The following MUC15 variants were observed in gnomAD, a reference collection of about 807,000 sequenced individuals.
The protein encoded by MUC15 is mucin 15, cell surface associated, also known as mucin-15.
A neutral mutation model predicts 24.0 loss-of-function variants in MUC15; 23 were observed. The ratio of observed to expected loss-of-function variants is 0.96; its 90% CI spans 0.69 to 1.36. The LOEUF is 1.36. Among genes scored for constraint, MUC15 ranks in the 40% most tolerant of loss-of-function variants. The pLI is 0.00. For missense variants in MUC15, 442 were observed against 428.2 expected (o/e 1.03, Z -0.29); for synonymous variants, 151 against 156.3 (o/e 0.97, Z 0.25).
rs777133919 is a variant in MUC15 at position 26,561,156 on chromosome 11, G to A, written c.995C>T (p.Thr332Ile). 19 of 1,612,682 alleles carry A rather than the reference G, an allele frequency of 1.2e-5. No homozygotes were observed. The highest frequency in any genetic ancestry group is 1.5e-5 in the Non-Finnish European group (18 of 1,179,230). ...TTCTGGCATGGCTGAATCATTCAAA[G>A]TTGGATTGTAGTAGCTAGAATTCCC... Reference protein sequence around the residue: ...SFGNSSYYNPTLNDSAMPESE... With the variant: ...SFGNSSYYNPILNDSAMPESE... Residue 332 changes from threonine to isoleucine, a missense_variant, in exon 5 of 5, where the codon ACT (threonine) becomes ATT (isoleucine). Thr to Ile is a moderately conservative substitution (Grantham distance 89). Transcript: ENST00000529533.
chr11:26,569,535 G>C (rs1017994944), intron 1 of MUC15, among the ~76,000 whole-genome samples: 6 of 151,966 alleles, frequency 3.9e-5, no homozygotes, highest in East Asian at 1.9e-4. Context: ...CCGTTATTCA[G>C]AACCCCACCA....
intron 3 of MUC15, among the ~76,000 whole-genome samples, chr11:26,564,732 C>CACACATAT (rs1565108986): frequency 7.9e-5 from 2 of 25,412 alleles, no homozygotes; most frequent in African/African-American, 1.4e-4. Context: ...CACACACACA[C>CACACATAT]ATATATATAT....
Position 26,565,461 on chromosome 11 carries a change from G to T in MUC15, c.479C>A (p.Pro160His), listed in dbSNP as rs1850532540. 6.2e-7 allele frequency: 1 copy of T among 1,613,202 alleles called. No homozygotes were observed. Among genetic ancestry groups the T allele is most frequent in the African/African-American group, 1.3e-5 (1 of 74,804 alleles). Reference protein sequence around the residue: ...NAPIADEDLLPISAHPNATPA... With the variant: ...NAPIADEDLLHISAHPNATPA... Reference sequence around the variant, plus strand: ...TGTAGCATTGGGATGTGCTGAGATGGGCAAAAGATCTTCATCTGCTATAGG... The same window carrying T: ...TGTAGCATTGGGATGTGCTGAGATGTGCAAAAGATCTTCATCTGCTATAGG... The change falls in exon 3 of 5, where the codon CCC (proline) becomes CAC (histidine). Residue 160 changes from proline (P) to histidine (H), a missense_variant. By Grantham distance (77) the Pro-to-His change is moderately conservative (BLOSUM62 -2). Transcript: ENST00000529533.
chr11:26,561,557 C>G (rs559861261), intron 4 of MUC15, among the ~76,000 whole-genome samples: 1 of 151,484 alleles, frequency 6.6e-6, no homozygotes, highest in African/African-American at 2.4e-5. Flanking sequence ...GATTTCAAAG[C>G]CTTGTCAACA....
Position 26,565,274 on chromosome 11 carries a change from A to G in MUC15, c.666T>C (p.Ser222=), listed in dbSNP as rs1396766064. ...AAGGGGTAAACCCAGTGAAGCTATC[A>G]CTGTTTGTGGTAAGCCATCCACTTG... ...VEPSGWLTTN[S]DSFTGFTPYQ... is the part of the protein sequence containing the mutation. The change falls in exon 3 of 5, where the codon AGT becomes AGC. Residue 222 remains serine, a synonymous_variant. Transcript: ENST00000529533. The G allele has an allele frequency of 6.2e-7, 1 of 1,602,714 alleles. No individual in the cohort carries two copies. The highest frequency in any genetic ancestry group is 2.2e-5 in the East Asian group (1 of 44,688).
Position 26,559,936 on chromosome 11 carries a change from A to G in MUC15, c.*1129T>C, listed in dbSNP as rs1850220740. On this transcript the variant is annotated 3_prime_UTR_variant, in exon 5 of 5. Transcript: ENST00000529533. ...TACTTGATTTGTTTGCTCTCTTCAT[A>G]TATTCAGTGCTTCTTTAGGAATTTA... 1 of 553,238 alleles carries G rather than the reference A, an allele frequency of 1.8e-6. No homozygotes were observed. The highest frequency in any genetic ancestry group is 3.1e-5 in the South Asian group (1 of 32,286). 34.3% of individuals were successfully genotyped at this position (553,238 alleles called of 1,614,324 possible).
intron 1 of MUC15, among the ~76,000 whole-genome samples, chr11:26,571,498 T>C (rs1194684220): frequency 6.6e-6 from 1 of 152,076 alleles, no homozygotes; most frequent in Non-Finnish European, 1.5e-5. Flanking sequence ...TGTACAACAG[T>C]TTCCCAACTT....
chr11:26,562,489 A>G (rs1850333059), intron 4 of MUC15, among the ~76,000 whole-genome samples: 1 of 151,960 alleles, frequency 6.6e-6, no homozygotes, highest in South Asian at 2.1e-4. Context: ...TCAAATTGAT[A>G]TTATATTATT....
In MUC15 at chr11:26,567,142, G is replaced by A; in HGVS notation, c.-45-3C>T. 2 of 1,399,182 alleles carry A rather than the reference G, an allele frequency of 1.4e-6. No homozygotes were observed. The highest frequency in any genetic ancestry group is 1.5e-5 in the African/African-American group (1 of 68,430). 86.7% of individuals were successfully genotyped at this position (1,399,182 alleles called of 1,614,324 possible). A position where few individuals can be genotyped will look rare whatever the true frequency, so the allele number is the denominator to read the frequency against. On this transcript the variant is annotated splice_region_variant and splice_polypyrimidine_tract_variant and intron_variant, in intron 1 of 4. Transcript: ENST00000529533. ...CTCACAATGGCTAGTAACAGAAGCT[G>A]GAAAATGGAAGAGGCAATATTTAAA...
Position 26,559,208 on chromosome 11 carries a change from T to C in MUC15, c.*1857A>G, listed in dbSNP as rs935150819. 1 of 152,460 alleles carries C rather than the reference T, an allele frequency of 6.6e-6. No individual in the cohort carries two copies. The highest frequency in any genetic ancestry group is 1.9e-4 in the East Asian group (1 of 5,198). The allele number at this position is 152,460 out of a possible 1,614,324, so 9.4% of individuals were successfully genotyped here. On this transcript the variant is annotated 3_prime_UTR_variant, in exon 5 of 5. Coordinates refer to ENST00000529533, the MANE Select transcript of MUC15 (RefSeq NM_001135091.2). Reference sequence around the variant, plus strand: ...TTTTAAAACAAATTAAGATGGGATTTATTACATCTTATAGCCATTATTGGA... The same window carrying C: ...TTTTAAAACAAATTAAGATGGGATTCATTACATCTTATAGCCATTATTGGA...
chr11:26,564,742 T>C (rs1413318459), intron 3 of MUC15, among the ~76,000 whole-genome samples: 105 of 35,020 alleles, frequency 3.0e-3, no homozygotes, highest in African/African-American at 4.1e-3. Flanking sequence ...CATATATATA[T>C]ATATATATAT....
At chr11:26,569,526 C>T (rs973764794) in intron 1 of MUC15, among the ~76,000 whole-genome samples, 1 of 151,932 alleles carries the variant, frequency 6.6e-6, no homozygotes, top group Non-Finnish European at 1.5e-5. Flanking sequence ...TGAAGTCATC[C>T]GTTATTCAGA....
In MUC15 at chr11:26,560,609, C is replaced by T. The variant is rs1455047211; in HGVS notation, c.*456G>A. 6.5e-6 allele frequency: 1 copy of T among 153,436 alleles called. No individual in the cohort carries two copies. The highest frequency in any genetic ancestry group is 2.4e-5 in the African/African-American group (1 of 41,394). 9.5% of individuals were successfully genotyped at this position (153,436 alleles called of 1,614,324 possible). On this transcript the variant is annotated 3_prime_UTR_variant, in exon 5 of 5. Transcript: ENST00000529533. Reference sequence around the variant, plus strand: ...CTATGTCCTCTTTTTAGCTTTAAGTCAAATTTTCTTTAAAAAGCACCCTTT... The same window carrying T: ...CTATGTCCTCTTTTTAGCTTTAAGTTAAATTTTCTTTAAAAAGCACCCTTT...
chr11:26,564,736 T>TAC lies in MUC15; in HGVS notation c.775+428_775+429insGT, dbSNP rs1565109044. Among the ~76,000 whole-genome samples the TAC allele has an allele frequency of 5.3e-3, 99 of 18,766 alleles. 2 individuals are homozygous for TAC. The highest frequency in any genetic ancestry group is 0.018 in the African/African-American group (98 of 5,532). The allele number at this position is 18,766 out of a possible 152,430, so 12.3% of individuals were successfully genotyped here. On this transcript the variant is annotated intron_variant, in intron 3 of 4. Coordinates refer to ENST00000529533, the MANE Select transcript of MUC15 (RefSeq NM_001135091.2). ...ACACACACACACACACACACACATATATATATATATATATATATATATATA... is the reference window on the plus strand; with the variant it reads ...ACACACACACACACACACACACATATACATATATATATATATATATATATATA...
At chr11:26,561,783 T>A (rs1220605817) in intron 4 of MUC15, among the ~76,000 whole-genome samples, 1 of 152,018 alleles carries the variant, frequency 6.6e-6, no homozygotes, top group African/African-American at 2.4e-5. Flanking sequence ...TGTGGAAATT[T>A]AGTTTTCTTT....
At chr11:26,563,892 G>A (rs939695335) in intron 3 of MUC15, among the ~76,000 whole-genome samples, 2 of 151,554 alleles carry the variant, frequency 1.3e-5, no homozygotes, top group East Asian at 1.9e-4. Context: ...CTTTTCACTC[G>A]GTATCTTATT....
intron 4 of MUC15, among the ~76,000 whole-genome samples, chr11:26,561,782 T>G (rs1056563191): frequency 6.6e-6 from 1 of 152,004 alleles, no homozygotes; most frequent in African/African-American, 2.4e-5. Flanking sequence ...ATGTGGAAAT[T>G]TAGTTTTCTT....
intron 3 of MUC15, among the ~76,000 whole-genome samples, chr11:26,564,186 G>C (rs984599649): frequency 2.6e-5 from 4 of 151,618 alleles, no homozygotes; most frequent in African/African-American, 9.7e-5. Context: ...ATTAGGTTTA[G>C]ATAGACAAAA....
chr11:26,559,861 C>G lies in MUC15; in HGVS notation c.*1204G>C. On this transcript the variant is annotated 3_prime_UTR_variant, in exon 5 of 5. Coordinates refer to ENST00000529533, the MANE Select transcript of MUC15 (RefSeq NM_001135091.2). The stretch of plus-strand genomic sequence containing the variant: ...ACACACACACACACACACACACACA[C>G]ACACACACACACACCATGAATCAAT... The G allele has an allele frequency of 3.3e-6, 3 of 910,226 alleles. No individual in the cohort carries two copies. Among genetic ancestry groups the G allele is most frequent in the African/African-American group, 1.6e-5 (1 of 61,046 alleles). The allele number at this position is 910,226 out of a possible 1,614,324, so 56.4% of individuals were successfully genotyped here.
Sources: gnomAD v4.1 joint callset for allele counts (sites outside exome capture counted in the v4.1 genomes callset) on GRCh38, gnomAD v4.1.1 for gene constraint, MANE v1.5 for transcripts, NCBI Gene and HGNC (gene_info 2026-07-23, HGNC 2026-07-21) for gene names.